Variants in TMPRSS15 observed in about 807,000 individuals in gnomAD.
TMPRSS15 encodes enteropeptidase.
Under a neutral mutation model 125.3 loss-of-function variants are expected in TMPRSS15, and 128 were observed. The ratio of observed to expected loss-of-function variants is 1.02; its 90% CI spans 0.89 to 1.18. The LOEUF (loss-of-function observed/expected upper bound fraction) is 1.18. Ranked by LOEUF, TMPRSS15 falls within the 50% of genes most tolerant of loss-of-function variation. The pLI, the probability that TMPRSS15 is intolerant of heterozygous loss-of-function variation, is 0.00. For synonymous variants in TMPRSS15, 446 were observed against 423.2 expected, an observed-to-expected ratio of 1.05 and a Z score of -0.66; for missense variants, 1,283 against 1,212.7, an observed-to-expected ratio of 1.06 and a Z score of -0.86.
At chr21:18,413,312 T>TTTCTTTCCTTCCTTCCTTCC (rs1555911458) in intron 1 of TMPRSS15, among the ~76,000 whole-genome samples, 1,027 of 94,838 alleles carry the variant, frequency 0.011, 48 homozygotes, top group South Asian at 0.019. Flanking sequence ...TTTTCTTTCT[T>TTTCTTTCCTTCCTTCCTTCC]TTCCTTCCTT....
At chr21:18,377,290 T>A (rs920870325) in intron 5 of TMPRSS15, among the ~76,000 whole-genome samples, 9 of 152,176 alleles carry the variant, frequency 5.9e-5, no homozygotes, top group Non-Finnish European at 1.2e-4. Flanking sequence ...CAGATCAAAA[T>A]GAGCATTACC....
chr21:18,453,710 T>C (rs754804133), intron 1 of TMPRSS15, among the ~76,000 whole-genome samples: 6 of 152,206 alleles, frequency 3.9e-5, no homozygotes, highest in South Asian at 2.1e-4. Context: ...CCTATATTCA[T>C]TGCAACATTA....
At position 18,294,632 on chromosome 21, in the gene TMPRSS15, G is replaced by A; in HGVS notation, c.2282C>T (p.Ser761Phe). Residue 761 changes from serine to phenylalanine, a missense_variant, in exon 20 of 25, where the codon TCC becomes TTC. Ser to Phe is a radical substitution (Grantham distance 155). Coordinates refer to ENST00000284885, the MANE Select transcript of TMPRSS15 (RefSeq NM_002772.3). The stretch of plus-strand genomic sequence containing the variant: ...ATGGTTACACTGTAACCGAATCAAG[G>A]AATCCTGTAAACACTGTTGACTGTA... ...LTPSQQCLQD[S>F]LIRLQCNHKS... 6.2e-7 allele frequency: 1 copy of A among 1,611,184 alleles called. No individual in the cohort carries two copies. The highest frequency in any genetic ancestry group is 1.3e-5 in the African/African-American group (1 of 74,990).
At chr21:18,482,541 C>A (rs1304308610) in intron 1 of TMPRSS15, among the ~76,000 whole-genome samples, 1 of 151,602 alleles carries the variant, frequency 6.6e-6, no homozygotes, top group Non-Finnish European at 1.5e-5. Context: ...ATACCACATG[C>A]ACCCCATAAA....
chr21:18,365,810 C>A (rs1028646288), intron 6 of TMPRSS15, among the ~76,000 whole-genome samples: 3 of 142,682 alleles, frequency 2.1e-5, no homozygotes, highest in African/African-American at 7.8e-5. Flanking sequence ...ACGGCGCGAT[C>A]TCGGCTCACT....
intron 14 of TMPRSS15, among the ~76,000 whole-genome samples, chr21:18,330,186 T>C (rs749095432): frequency 9.9e-5 from 15 of 152,172 alleles, no homozygotes; most frequent in Non-Finnish European, 2.1e-4. Flanking sequence ...CCTAAGCCTG[T>C]TATTACTACC....
At chr21:18,411,193 T>C (rs536260919) in intron 1 of TMPRSS15, among the ~76,000 whole-genome samples, 3 of 152,170 alleles carry the variant, frequency 2.0e-5, no homozygotes, top group Admixed American at 6.6e-5. Context: ...AATATTCTTT[T>C]TGAAATATTT....
At chr21:18,476,402 C>A (rs1394649810) in intron 1 of TMPRSS15, among the ~76,000 whole-genome samples, 1 of 151,750 alleles carries the variant, frequency 6.6e-6, no homozygotes, top group Non-Finnish European at 1.5e-5. Context: ...AATCATTGTG[C>A]AAGAGAAATA....
intron 3 of TMPRSS15, among the ~76,000 whole-genome samples, chr21:18,395,228 A>G (rs1015243416): frequency 3.3e-5 from 5 of 152,156 alleles, no homozygotes; most frequent in Admixed American, 6.5e-5. Context: ...CAATTCCTGA[A>G]TATGTGACTC....
chr21:18,482,064 T>C (rs1283018914), intron 1 of TMPRSS15, among the ~76,000 whole-genome samples: 1 of 151,534 alleles, frequency 6.6e-6, no homozygotes, highest in Non-Finnish European at 1.5e-5. Flanking sequence ...TTATCTACGA[T>C]ATATTATTTC....
At chr21:18,343,422 T>A (rs2075469269) in intron 12 of TMPRSS15, 84 bp downstream of exon 12, 1 of 1,265,172 alleles carries the variant, frequency 7.9e-7, no homozygotes, top group Non-Finnish European at 1.1e-6. Context: ...AGAAAATACA[T>A]TAATTTTTTC....
At chr21:18,386,604 C>A (rs928548863) in intron 3 of TMPRSS15, among the ~76,000 whole-genome samples, 1 of 152,000 alleles carries the variant, frequency 6.6e-6, no homozygotes, top group East Asian at 1.9e-4. Context: ...CCTCCTACTC[C>A]TTTTTCTTTT....
chr21:18,289,966 A>G (rs2074813889), intron 21 of TMPRSS15, among the ~76,000 whole-genome samples: 1 of 152,230 alleles, frequency 6.6e-6, no homozygotes, highest in Non-Finnish European at 1.5e-5. Context: ...GCATTTTCCT[A>G]TATGTCAGCA....
intron 8 of TMPRSS15, among the ~76,000 whole-genome samples, chr21:18,359,524 A>T (rs1000666127): frequency 5.3e-5 from 8 of 150,702 alleles, no homozygotes; most frequent in Non-Finnish European, 1.2e-4. Flanking sequence ...ATTTCACATA[A>T]TTTTTAAGAT....
intron 18 of TMPRSS15, among the ~76,000 whole-genome samples, chr21:18,303,433 T>C (rs2146917133): frequency 1.3e-5 from 2 of 152,244 alleles, no homozygotes; most frequent in African/African-American, 4.8e-5. Context: ...CATTGGATTT[T>C]ATCGATTTTA....
intron 4 of TMPRSS15, chr21:18,380,509 T>C (rs1387305353): frequency 2.1e-6 from 1 of 469,608 alleles, no homozygotes; most frequent in Admixed American, 2.4e-5. Flanking sequence ...GATCACTAAG[T>C]TGTATTTTTA....
chr21:18,479,335 C>T (rs909542786), intron 1 of TMPRSS15, among the ~76,000 whole-genome samples: 1 of 151,818 alleles, frequency 6.6e-6, no homozygotes, highest in Non-Finnish European at 1.5e-5. Flanking sequence ...TCAGAATTCA[C>T]CAAAACTTAG....
At chr21:18,284,683 G>C (rs1384883002) in intron 21 of TMPRSS15, among the ~76,000 whole-genome samples, 1 of 152,164 alleles carries the variant, frequency 6.6e-6, no homozygotes, top group South Asian at 2.1e-4. Context: ...CCTGGAATAG[G>C]AAATCCCCAA....
upstream of TMPRSS15, among the ~76,000 whole-genome samples, chr21:18,407,163 A>G (rs2076153961): frequency 6.6e-6 from 1 of 152,178 alleles, no homozygotes; most frequent in South Asian, 2.1e-4. Context: ...CTGAGCAGAA[A>G]AGGGGTTGGT....
Sources: allele counts gnomAD v4.1 joint callset (sites outside exome capture counted in the v4.1 genomes callset), GRCh38; gene constraint gnomAD v4.1.1; transcripts MANE v1.5; gene names NCBI Gene and HGNC (gene_info 2026-07-23, HGNC 2026-07-21).